Variants in MICAL2 observed in about 807,000 individuals in gnomAD.
The protein encoded by MICAL2 is microtubule associated monooxygenase, calponin and LIM domain containing 2.
Under a neutral mutation model 127.3 loss-of-function variants are expected in MICAL2, and 77 were observed. The observed-to-expected ratio is 0.60, with a 90% CI of 0.50 to 0.73. MICAL2 has a LOEUF of 0.73. Ranked by LOEUF, MICAL2 falls within the 30% of genes least tolerant of loss-of-function variation. The pLI is 0.00. For synonymous variants in MICAL2, 570 were observed against 551.1 expected (o/e 1.03, Z -0.48); for missense variants, 1,351 against 1,434.4 (o/e 0.94, Z 0.94).
At chr11:12,248,642 G>A (rs936324561) in intron 21 of MICAL2, among the ~76,000 whole-genome samples, 4 of 152,232 alleles carry the variant, frequency 2.6e-5, no homozygotes, top group Non-Finnish European at 4.4e-5. Context: ...CTACCCTTGG[G>A]GTGTTTGTTT....
chr11:12,229,539 C>T (rs1220023557), intron 15 of MICAL2, among the ~76,000 whole-genome samples: 1 of 152,248 alleles, frequency 6.6e-6, no homozygotes, highest in Non-Finnish European at 1.5e-5. Flanking sequence ...CAGACATTTA[C>T]TGCCTTTCTC....
intron 1 of MICAL2, among the ~76,000 whole-genome samples, chr11:12,123,002 G>T (rs752545206): frequency 5.3e-5 from 8 of 152,066 alleles, no homozygotes; most frequent in Non-Finnish European, 1.0e-4. Context: ...GCCATGGAGA[G>T]TAGGTCTAAT....
chr11:12,265,656 G>A (rs1279424078), downstream of MICAL2, among the ~76,000 whole-genome samples: 3 of 152,174 alleles, frequency 2.0e-5, no homozygotes. Context: ...CTCTCATAGT[G>A]TAGATGATCA....
intron 32 of MICAL2, among the ~76,000 whole-genome samples, chr11:12,338,590 T>C (rs1232891248): frequency 6.6e-6 from 1 of 152,224 alleles, no homozygotes; most frequent in Non-Finnish European, 1.5e-5. Context: ...CAGTGGCTGG[T>C]ACCAGTTGTT....
chr11:12,171,711 G>A (rs766570250), intron 3 of MICAL2, among the ~76,000 whole-genome samples: 1 of 152,114 alleles, frequency 6.6e-6, no homozygotes, highest in Non-Finnish European at 1.5e-5. Context: ...ATGTTTTTAA[G>A]GAGAAGTGAG....
intron 2 of MICAL2, among the ~76,000 whole-genome samples, chr11:12,149,676 C>T (rs1164401052): frequency 6.6e-6 from 1 of 152,134 alleles, no homozygotes; most frequent in African/African-American, 2.4e-5. Flanking sequence ...GATGGTGCTG[C>T]TCACTGAGGT....
chr11:12,141,981 G>A (rs774355071), intron 2 of MICAL2, among the ~76,000 whole-genome samples: 29 of 152,222 alleles, frequency 1.9e-4, no homozygotes, highest in Non-Finnish European at 3.1e-4. Context: ...CACTTCTCCC[G>A]TTTATTAGTA....
At chr11:12,210,696 T>C (rs1855340266) in intron 6 of MICAL2, among the ~76,000 whole-genome samples, 1 of 152,350 alleles carries the variant, frequency 6.6e-6, no homozygotes, top group Non-Finnish European at 1.5e-5. Context: ...AGGACCCATT[T>C]TCAGCTTGAG....
intron 31 of MICAL2, among the ~76,000 whole-genome samples, chr11:12,324,879 C>A (rs1253759286): frequency 6.6e-6 from 1 of 152,212 alleles, no homozygotes; most frequent in Non-Finnish European, 1.5e-5. Flanking sequence ...TCACTTCTGT[C>A]TACTTGCAAC....
intron 32 of MICAL2, among the ~76,000 whole-genome samples, chr11:12,336,912 C>A (rs1488162163): frequency 6.6e-6 from 1 of 152,018 alleles, no homozygotes; most frequent in African/African-American, 2.4e-5. Context: ...GTCTAAAATT[C>A]TCTTTTTTTG....
chr11:12,160,951 C>T (rs1028816475), intron 2 of MICAL2, among the ~76,000 whole-genome samples: 27 of 152,190 alleles, frequency 1.8e-4, no homozygotes, highest in African/African-American at 4.6e-4. Flanking sequence ...AACTTGTCCA[C>T]GATGAACACT....
At chr11:12,227,342 T>A in intron 15 of MICAL2, 1 of 536,746 alleles carries the variant, frequency 1.9e-6, no homozygotes. Flanking sequence ...TTCAAAGTGG[T>A]TATAGGAAGG....
chr11:12,290,805 A>G (rs1590723460), downstream of MICAL2, among the ~76,000 whole-genome samples: 2 of 152,156 alleles, frequency 1.3e-5, no homozygotes, highest in East Asian at 1.9e-4. Context: ...ACAGTCGCAC[A>G]TGTTCGCATT....
chr11:12,191,203 G>A (rs887930140), intron 3 of MICAL2, among the ~76,000 whole-genome samples: 17 of 152,138 alleles, frequency 1.1e-4, no homozygotes, highest in Non-Finnish European at 1.3e-4. Context: ...GGTGGCCCAC[G>A]CCTGTAATCC....
At chr11:12,323,951 A>T (rs1864328114) in intron 30 of MICAL2, 1 of 1,586,848 alleles carries the variant, frequency 6.3e-7, no homozygotes, top group Admixed American at 1.9e-5. Context: ...TCTCTGACAT[A>T]ATTTTTTTCT....
At chr11:12,126,641 A>T (rs1850942608) in intron 1 of MICAL2, among the ~76,000 whole-genome samples, 2 of 152,098 alleles carry the variant, frequency 1.3e-5, no homozygotes, top group Non-Finnish European at 2.9e-5. Flanking sequence ...GACAAGATGC[A>T]TAAGGCTCAA....
chr11:12,208,014 G>T lies in MICAL2; in HGVS notation c.473-9G>T, dbSNP rs1854954904. On this transcript the variant is annotated splice_polypyrimidine_tract_variant and intron_variant, in intron 4 of 27. Coordinates refer to ENST00000683283, the MANE Select transcript of MICAL2 (RefSeq NM_001282663.2). ...CTGTGACAGTTCCTCTCTCCTTCCTGCCTGACAGGTATTCGCCAACTACAG... is the reference window on the plus strand; with the variant it reads ...CTGTGACAGTTCCTCTCTCCTTCCTTCCTGACAGGTATTCGCCAACTACAG... 1 of 1,606,142 alleles carries T rather than the reference G, an allele frequency of 6.2e-7. No homozygotes were observed. The highest frequency in any genetic ancestry group is 8.5e-7 in the Non-Finnish European group (1 of 1,172,810).
At position 12,327,328 on chromosome 11, in the gene MICAL2, A is replaced by G. The variant is rs1415329677; in HGVS notation, c.5515+62A>G. On this transcript the variant is annotated intron_variant, in intron 32 of 34. Coordinates refer to the MICAL2 transcript ENST00000646065. ...GTCTGAGAATAGTGCTAGCGTAACCATCTGAGGAAAACAGACCTTGTCACC... is the reference window on the plus strand; with the variant it reads ...GTCTGAGAATAGTGCTAGCGTAACCGTCTGAGGAAAACAGACCTTGTCACC... The G allele has an allele frequency of 3.6e-6, 5 of 1,399,450 alleles. No homozygotes were observed. The South Asian group carries it at 5.4e-5, about 15-fold the overall frequency. 86.7% of individuals were successfully genotyped at this position (1,399,450 alleles called of 1,614,324 possible). A position where few individuals can be genotyped will look rare whatever the true frequency, so the allele number is the denominator to read the frequency against.
chr11:12,115,978 CTTTT>C (rs1201204008), intron 1 of MICAL2, among the ~76,000 whole-genome samples: 1 of 134,668 alleles, frequency 7.4e-6, no homozygotes, highest in Non-Finnish European at 1.6e-5. Flanking sequence ...CTTTCCCTTT[CTTTT>C]TTTTTTTTTT....
Sources: allele counts gnomAD v4.1 joint callset (sites outside exome capture counted in the v4.1 genomes callset), GRCh38; gene constraint gnomAD v4.1.1; transcripts MANE v1.5; gene names NCBI Gene and HGNC (gene_info 2026-07-23, HGNC 2026-07-21).